Variants in PCGF2 observed in about 807,000 individuals in gnomAD.
The protein encoded by PCGF2 is polycomb group RING finger protein 2.
Under a neutral mutation model 36.1 loss-of-function variants are expected in PCGF2, and 8 were observed. The ratio of observed to expected loss-of-function variants is 0.22; its 90% CI spans 0.13 to 0.40. The LOEUF is 0.40. PCGF2 is among the 10% of genes least tolerant of loss of function. The pLI is 1.00. For synonymous variants in PCGF2, 198 were observed against 191.2 expected, an observed-to-expected ratio of 1.04 and a Z score of -0.29; for missense variants, 436 against 475.9, an observed-to-expected ratio of 0.92 and a Z score of 0.78.
rs1403786142 is a variant in PCGF2 at position 38,734,073 on chromosome 17, C to T, written c.*1150G>A. On this transcript the variant is annotated 3_prime_UTR_variant, in exon 11 of 11. Coordinates refer to ENST00000620225, the MANE Select transcript of PCGF2 (RefSeq NM_007144.3). ...GAATCTCGAGTCTCGACTCCCGACTCCTCTCAGATCTATGCACACTTGAGG... is the reference window on the plus strand; with the variant it reads ...GAATCTCGAGTCTCGACTCCCGACTTCTCTCAGATCTATGCACACTTGAGG... 6.6e-6 allele frequency: 1 copy of T among 152,356 alleles called. No individual in the cohort carries two copies. The highest frequency in any genetic ancestry group is 6.5e-5 in the Admixed American group (1 of 15,278). 9.4% of individuals were successfully genotyped at this position (152,356 alleles called of 1,614,324 possible).
At chr17:38,749,389 G>T, upstream of PCGF2, 1 of 284,782 alleles carries the variant, frequency 3.5e-6, no homozygotes, top group Non-Finnish European at 7.4e-6. This position sits in a 1 kb window ranked among gnomAD's most constrained non-coding sequence, Gnocchi z 6.5. Flanking sequence ...GTCCGCAGTG[G>T]CTCCGGCAGG....
In PCGF2 at chr17:38,739,334, C is replaced by T. The variant is rs1907015899; in HGVS notation, c.210-81G>A. 2 of 1,282,460 alleles carry T rather than the reference C, an allele frequency of 1.6e-6. No individual in the cohort carries two copies. The allele number at this position is 1,282,460 out of a possible 1,614,324, so 79.4% of individuals were successfully genotyped here. A position where few individuals can be genotyped will look rare whatever the true frequency, so the allele number is the denominator to read the frequency against. On this transcript the variant is annotated intron_variant, in intron 4 of 10. Coordinates refer to ENST00000620225, the MANE Select transcript of PCGF2 (RefSeq NM_007144.3). This position sits in a 1 kb window ranked among gnomAD's most constrained non-coding sequence, Gnocchi z 4.0. ...TCGCCCTGCTCTCCCAGCCAGGGTA[C>T]CCCTCTTCCCACCCCCTTCCTGAGA...
intron 2 of PCGF2, among the ~76,000 whole-genome samples, chr17:38,742,264 G>C (rs942997597): frequency 6.6e-6 from 1 of 152,162 alleles, no homozygotes; most frequent in Non-Finnish European, 1.5e-5. Context: ...AGCCCCAACA[G>C]CTCCTTTACA....
intron 2 of PCGF2, among the ~76,000 whole-genome samples, chr17:38,741,790 A>G (rs1907217587): frequency 6.6e-6 from 1 of 152,098 alleles, no homozygotes; most frequent in Non-Finnish European, 1.5e-5. Flanking sequence ...GGACTCAAAG[A>G]GTTTAGGCAA....
intron 9 of PCGF2, among the ~76,000 whole-genome samples, chr17:38,737,873 C>T (rs1463363437): frequency 1.4e-5 from 2 of 143,690 alleles, no homozygotes; most frequent in African/African-American, 5.2e-5. Flanking sequence ...GATCGCTCCA[C>T]TGCACTCTAG....
At position 38,742,373 on chromosome 17, in the gene PCGF2, A is replaced by T. The variant is rs1219370430; in HGVS notation, c.-40-1931T>A. ...TTCACAGCCGGGATCAGCAGTTTCT[A>T]TAGAGACCCCAGGATGAGTCTGGCC... On this transcript the variant is annotated intron_variant, in intron 2 of 10. Coordinates refer to ENST00000620225, the MANE Select transcript of PCGF2 (RefSeq NM_007144.3). Among the ~76,000 whole-genome samples the T allele has an allele frequency of 7.9e-5, 12 of 152,322 alleles. No homozygotes were observed. In the East Asian group the frequency reaches 2.3e-3, roughly 29 times the overall value.
upstream of PCGF2, among the ~76,000 whole-genome samples, chr17:38,748,883 G>C (rs900019204): frequency 6.6e-6 from 1 of 152,170 alleles, no homozygotes; most frequent in African/African-American, 2.4e-5. Context: ...CTGGGAGGGC[G>C]AGCGTGTCCT....
intron 1 of PCGF2, 91 bp from the exon 2 acceptor site, chr17:38,748,062 G>C (rs2143169474): frequency 6.5e-6 from 1 of 152,878 alleles, no homozygotes; most frequent in African/African-American, 2.4e-5. Flanking sequence ...CGGGGCGCGG[G>C]GGGTGCGAAG....
Position 38,740,430 on chromosome 17 carries a change from G to A in PCGF2, c.-28C>T, listed in dbSNP as rs748732640. 1.9e-6 allele frequency: 2 copies of A among 1,036,192 alleles called. No individual in the cohort carries two copies. The highest frequency in any genetic ancestry group is 2.9e-6 in the Non-Finnish European group (2 of 684,574). The allele number at this position is 1,036,192 out of a possible 1,614,324, so 64.2% of individuals were successfully genotyped here. The stretch of plus-strand genomic sequence containing the variant: ...TTCCGGGGTCGGGGGTGGGGGGACT[G>A]GGGAGCGTTGCCCTGGGAAACGGAA... On this transcript the variant is annotated 5_prime_UTR_variant, in exon 3 of 11. Transcript: ENST00000620225.
rs916061437 is a variant in PCGF2 at position 38,735,523 on chromosome 17, G to A, written c.735C>T (p.Ser245=). Residue 245 remains serine, a synonymous_variant, in exon 11 of 11, where the codon TCC becomes TCT. Transcript: ENST00000620225. ...RLTLATVPTP[S]EGTNTSGASE... ...ACGCCCCGCTGGTGTTGGTGCCCTC[G>A]GAGGGGGTGGGCACCGTGGCTAGGG... 1.1e-5 allele frequency: 18 copies of A among 1,590,024 alleles called. No individual in the cohort carries two copies. Among genetic ancestry groups the A allele is most frequent in the Non-Finnish European group, 1.4e-5 (16 of 1,168,432 alleles).
Position 38,742,761 on chromosome 17 carries a change from G to C in PCGF2, c.-40-2319C>G, listed in dbSNP as rs369443471. Among the ~76,000 whole-genome samples the C allele has an allele frequency of 1.2e-4, 18 of 152,334 alleles. No homozygotes were observed. In the East Asian group the frequency reaches 3.5e-3, roughly 29 times the overall value. On this transcript the variant is annotated intron_variant, in intron 2 of 10. Coordinates refer to ENST00000620225, the MANE Select transcript of PCGF2 (RefSeq NM_007144.3). ...ATCCAGAGGAGAGAACAATCCAAGT[G>C]GCTGTCTCTCTGAGCGTGTGTAATA...
chr17:38,740,792 G>C (rs149996032), intron 2 of PCGF2, among the ~76,000 whole-genome samples: 1 of 151,706 alleles, frequency 6.6e-6, no homozygotes, highest in Non-Finnish European at 1.5e-5. Flanking sequence ...CCAGAGCCTC[G>C]GCAGCCCCTC....
Position 38,739,113 on chromosome 17 carries a change from T to C in PCGF2, c.271A>G (p.Met91Val), listed in dbSNP as rs1195772306. 5 of 1,613,838 alleles carry C rather than the reference T, an allele frequency of 3.1e-6. No individual in the cohort carries two copies. The highest frequency in any genetic ancestry group is 3.4e-6 in the Non-Finnish European group (4 of 1,179,984). Residue 91 changes from methionine (M) to valine (V), a missense_variant, in exon 6 of 11, where the codon ATG becomes GTG. Transcript: ENST00000620225. The surrounding 1 kb of genome is among the most constrained non-coding windows in gnomAD (Gnocchi z 4.0). ...KLVPGLFKDE[M>V]KRRRDFYAAY... ...GCATAGAAATCCCGCCGCCGTTTCATCTCATCTGGAAGAAGGCAGCAGGAT... is the reference window on the plus strand; with the variant it reads ...GCATAGAAATCCCGCCGCCGTTTCACCTCATCTGGAAGAAGGCAGCAGGAT...
At chr17:38,737,439 C>T (rs955412274) in intron 9 of PCGF2, among the ~76,000 whole-genome samples, 5 of 151,810 alleles carry the variant, frequency 3.3e-5, no homozygotes, top group South Asian at 2.1e-4. Flanking sequence ...CTCCAGCCTG[C>T]GTGACAAAGG....
intron 2 of PCGF2, among the ~76,000 whole-genome samples, chr17:38,746,913 G>C (rs576071389): frequency 8.1e-4 from 124 of 152,322 alleles, no homozygotes; most frequent in East Asian, 9.6e-4. Context: ...CAGAGTGAAG[G>C]GGGGAGGGAG....
In PCGF2 at chr17:38,738,590, C is replaced by A. The variant is rs773410790; in HGVS notation, c.431G>T (p.Arg144Leu). The stretch of plus-strand genomic sequence containing the variant: ...CTCCAGGGGGCCCTTCTTCTCGTCC[C>A]GGTCCCTGGGGACGGAGAAAGAATG... Reference protein sequence around the residue: ...SIEFYEGARDRDEKKGPLENG... With the variant: ...SIEFYEGARDLDEKKGPLENG... The change falls in exon 8 of 11, where the codon CGG (arginine) becomes CTG (leucine). Residue 144 changes from arginine to leucine, a missense_variant. By Grantham distance (102) the Arg-to-Leu change is moderately radical. This residue lies in a region of PCGF2 where 189 missense variants were observed against 219.3 expected (regional missense o/e 0.86). Transcript: ENST00000620225. 1.3e-6 allele frequency: 2 copies of A among 1,573,070 alleles called. No individual in the cohort carries two copies. The highest frequency in any genetic ancestry group is 2.4e-5 in the South Asian group (2 of 83,638).
At position 38,739,384 on chromosome 17, in the gene PCGF2, T is replaced by C; in HGVS notation, c.210-131A>G. The C allele has an allele frequency of 2.1e-6, 2 of 948,654 alleles. No individual in the cohort carries two copies. The highest frequency in any genetic ancestry group is 1.3e-5 in the South Asian group (1 of 74,414). 58.8% of individuals were successfully genotyped at this position (948,654 alleles called of 1,614,324 possible). A position where few individuals can be genotyped will look rare whatever the true frequency, so the allele number is the denominator to read the frequency against. ...ACCGGTGCCCAGGCATTAGGATCCC[T>C]GTGGGTCTGGTCTTTGCCCCTCTAG... On this transcript the variant is annotated intron_variant, in intron 4 of 10. Transcript: ENST00000620225. This position sits in a 1 kb window ranked among gnomAD's most constrained non-coding sequence, Gnocchi z 4.0.
In PCGF2 at chr17:38,734,091, A is replaced by G. The variant is rs1419697518; in HGVS notation, c.*1132T>C. On this transcript the variant is annotated 3_prime_UTR_variant, in exon 11 of 11. Transcript: ENST00000620225. ...CCCGACTCCTCTCAGATCTATGCACACTTGAGGAAATCTCGGTGGGCAGCG... is the reference window on the plus strand; with the variant it reads ...CCCGACTCCTCTCAGATCTATGCACGCTTGAGGAAATCTCGGTGGGCAGCG... 2 of 151,388 alleles carry G rather than the reference A, an allele frequency of 1.3e-5. No individual in the cohort carries two copies. Among genetic ancestry groups the G allele is most frequent in the East Asian group, 3.9e-4 (2 of 5,108 alleles). 9.4% of individuals were successfully genotyped at this position (151,388 alleles called of 1,614,324 possible). A position where few individuals can be genotyped will look rare whatever the true frequency, so the allele number is the denominator to read the frequency against.
Position 38,736,164 on chromosome 17 carries a change from C to T in PCGF2, c.583G>A (p.Val195Ile), listed in dbSNP as rs773058381. The T allele has an allele frequency of 6.4e-7, 1 of 1,569,694 alleles. No homozygotes were observed. The highest frequency in any genetic ancestry group is 8.6e-7 in the Non-Finnish European group (1 of 1,157,014). Residue 195 changes from valine (V) to isoleucine (I), a missense_variant, in exon 10 of 11, where the codon GTT becomes ATT. By Grantham distance (29) the Val-to-Ile change is conservative. This residue lies in a region of PCGF2 where 227 missense variants were observed against 212.9 expected (regional missense o/e 1.07). Coordinates refer to ENST00000620225, the MANE Select transcript of PCGF2 (RefSeq NM_007144.3). ...TTCAGTGGCTCGTCCTCGTACAGAA[C>T]CTCCACCTGGGGGAGGGAAGCGGAG... ...MDVPSKYKVE[V>I]LYEDEPLKEY... is the part of the protein sequence containing the mutation.
Sources: allele counts gnomAD v4.1 joint callset (sites outside exome capture counted in the v4.1 genomes callset), GRCh38; gene constraint gnomAD v4.1.1; regional missense constraint gnomAD v4.1.1; non-coding constraint Gnocchi (gnomAD v3.1); transcripts MANE v1.5; gene names NCBI Gene and HGNC (gene_info 2026-07-23, HGNC 2026-07-21).